LRFN5: variants seen among roughly 807,000 people sequenced by gnomAD.
LRFN5 encodes leucine-rich repeat and fibronectin type-III domain-containing protein 5.
In LRFN5, 24 loss-of-function variants were observed where a neutral mutation model predicts 45.6. The observed-to-expected ratio is 0.53, with a 90% CI of 0.38 to 0.74. LRFN5 has a LOEUF of 0.74. LRFN5 is among the 30% of genes least tolerant of loss of function. LRFN5 has a pLI of 0.00. For missense variants in LRFN5, 776 were observed against 861.5 expected (o/e 0.90, Z 1.24); for synonymous variants, 340 against 313.8 (o/e 1.08, Z -0.88).
chr14:41,647,625 G>A (rs1879879825), intron 1 of LRFN5, among the ~76,000 whole-genome samples: 1 of 152,128 alleles, frequency 6.6e-6, no homozygotes, highest in African/African-American at 2.4e-5. Context: ...TTTAACAAGG[G>A]TAAGAAAGGC....
At chr14:41,845,798 T>C (rs1455490416) in intron 2 of LRFN5, among the ~76,000 whole-genome samples, 1 of 152,214 alleles carries the variant, frequency 6.6e-6, no homozygotes, top group Non-Finnish European at 1.5e-5. Context: ...CTAACCGCTG[T>C]AAATGCATGC....
intron 2 of LRFN5, among the ~76,000 whole-genome samples, chr14:41,783,859 G>A (rs1431226822): frequency 1.3e-5 from 2 of 151,898 alleles, no homozygotes; most frequent in Non-Finnish European, 2.9e-5. Flanking sequence ...ATTAATAGAG[G>A]TTCTTACTTT....
At chr14:41,787,213 A>G (rs1377949493) in intron 2 of LRFN5, among the ~76,000 whole-genome samples, 1 of 152,060 alleles carries the variant, frequency 6.6e-6, no homozygotes, top group East Asian at 1.9e-4. Context: ...TGAATTTTAA[A>G]TTATTGGTTG....
chr14:41,826,002 C>G (rs1472699790), intron 2 of LRFN5, among the ~76,000 whole-genome samples: 1 of 152,186 alleles, frequency 6.6e-6, no homozygotes, highest in Non-Finnish European at 1.5e-5. Context: ...TCCTGTGAGT[C>G]TTCTGTTAGG....
chr14:41,739,322 G>T (rs537306143), intron 1 of LRFN5, among the ~76,000 whole-genome samples: 19 of 152,108 alleles, frequency 1.2e-4, no homozygotes, highest in African/African-American at 4.6e-4. Flanking sequence ...CTCATCAATG[G>T]TTCAGTGAGC....
chr14:41,792,257 T>C (rs568768625), intron 2 of LRFN5, among the ~76,000 whole-genome samples: 1 of 152,162 alleles, frequency 6.6e-6, no homozygotes, highest in Non-Finnish European at 1.5e-5. Flanking sequence ...AAAGATCACA[T>C]GCTTCTGAGG....
intron 2 of LRFN5, among the ~76,000 whole-genome samples, chr14:41,862,116 C>G (rs1201560238): frequency 1.3e-5 from 2 of 152,182 alleles, no homozygotes; most frequent in Non-Finnish European, 2.9e-5. Flanking sequence ...TTTCTGAGAC[C>G]TCTCCAGCCA....
chr14:41,715,756 T>G (rs1883467847), intron 1 of LRFN5, among the ~76,000 whole-genome samples: 1 of 152,172 alleles, frequency 6.6e-6, no homozygotes, highest in Non-Finnish European at 1.5e-5. Context: ...TTGTGCAAGC[T>G]GTCGTTGGAT....
intron 1 of LRFN5, among the ~76,000 whole-genome samples, chr14:41,766,608 A>G (rs1421717080): frequency 6.6e-6 from 1 of 152,230 alleles, no homozygotes; most frequent in East Asian, 1.9e-4. Context: ...TATTTAAATT[A>G]TCCTCAGTTT....
At chr14:41,646,187 A>G (rs540427933) in intron 1 of LRFN5, among the ~76,000 whole-genome samples, 7 of 152,288 alleles carry the variant, frequency 4.6e-5, no homozygotes, top group Admixed American at 3.3e-4. Context: ...CTATAGTTCT[A>G]TGGAACACTA....
chr14:41,867,156 G>C (rs1045669418), intron 2 of LRFN5, among the ~76,000 whole-genome samples: 2 of 152,018 alleles, frequency 1.3e-5, no homozygotes, highest in African/African-American at 4.8e-5. Flanking sequence ...CAATGAAGGT[G>C]ATAAAACATA....
At chr14:41,705,560 A>G (rs1246427752) in intron 1 of LRFN5, among the ~76,000 whole-genome samples, 2 of 152,338 alleles carry the variant, frequency 1.3e-5, no homozygotes, top group East Asian at 3.9e-4. Flanking sequence ...ATAGGATCAT[A>G]TAAGACATTG....
At chr14:41,874,358 G>A (rs528476908) in intron 2 of LRFN5, among the ~76,000 whole-genome samples, 3 of 152,256 alleles carry the variant, frequency 2.0e-5, no homozygotes, top group South Asian at 4.1e-4. Context: ...TAGAACTCAA[G>A]ATCTTTTTAC....
intron 1 of LRFN5, among the ~76,000 whole-genome samples, chr14:41,681,407 T>C (rs1345234039): frequency 8.5e-5 from 13 of 152,128 alleles, no homozygotes; most frequent in African/African-American, 3.1e-4. Flanking sequence ...GTAGCTCCAC[T>C]ACCTCTGACA....
chr14:41,791,409 G>A (rs1259525171), intron 2 of LRFN5, among the ~76,000 whole-genome samples: 1 of 151,952 alleles, frequency 6.6e-6, no homozygotes, highest in Non-Finnish European at 1.5e-5. Context: ...GAATGTACTT[G>A]CTTCTAAGGA....
At chr14:41,847,578 A>T (rs1889113102) in intron 2 of LRFN5, among the ~76,000 whole-genome samples, 1 of 152,052 alleles carries the variant, frequency 6.6e-6, no homozygotes, top group African/African-American at 2.4e-5. Flanking sequence ...ACTTTTGATT[A>T]TGCTCTCACT....
intron 1 of LRFN5, among the ~76,000 whole-genome samples, chr14:41,682,424 AAAAC>A (rs1198732435): frequency 6.6e-6 from 1 of 152,090 alleles, no homozygotes; most frequent in Admixed American, 6.6e-5. Context: ...AAAAACTAGA[AAAAC>A]AAAAGCAAAG....
intron 1 of LRFN5, among the ~76,000 whole-genome samples, chr14:41,744,536 C>G (rs911305851): frequency 2.0e-5 from 3 of 152,134 alleles, no homozygotes; most frequent in Non-Finnish European, 4.4e-5. Flanking sequence ...TATCAGTAAT[C>G]ACTTTAAGTG....
intron 1 of LRFN5, among the ~76,000 whole-genome samples, chr14:41,697,877 A>G (rs1020058459): frequency 2.6e-5 from 4 of 151,992 alleles, no homozygotes; most frequent in Admixed American, 1.3e-4. Flanking sequence ...AGTTATTAAA[A>G]TATTTTTAGA....
Sources: allele counts gnomAD v4.1 joint callset (sites outside exome capture counted in the v4.1 genomes callset), GRCh38; gene constraint gnomAD v4.1.1; transcripts MANE v1.5; gene names NCBI Gene and HGNC (gene_info 2026-07-23, HGNC 2026-07-21).